PCSK2: variants seen among roughly 807,000 people sequenced by gnomAD.
PCSK2 encodes neuroendocrine convertase 2.
A neutral mutation model predicts 69.7 loss-of-function variants in PCSK2; 14 were observed. The observed-to-expected ratio is 0.20, with a 90% CI of 0.13 to 0.31. The LOEUF is 0.31. Among genes scored for constraint, PCSK2 ranks in the 10% least tolerant of loss-of-function variants. PCSK2 has a pLI of 1.00. For synonymous variants in PCSK2, 307 were observed against 320.7 expected (o/e 0.96, Z 0.46); for missense variants, 544 against 842.5 (o/e 0.65, Z 4.39).
intron 2 of PCSK2, among the ~76,000 whole-genome samples, chr20:17,353,325 C>T (rs1734972180): frequency 6.6e-6 from 1 of 151,864 alleles, no homozygotes; most frequent in African/African-American, 2.4e-5. Context: ...ATTAGCTGGG[C>T]GTGGTGGCAC....
intron 5 of PCSK2, among the ~76,000 whole-genome samples, chr20:17,402,817 C>T (rs2031670719): frequency 6.6e-6 from 1 of 151,838 alleles, no homozygotes; most frequent in African/African-American, 2.4e-5. Context: ...ATTAGCCAGG[C>T]GTGGTGGTGG....
At chr20:17,260,127 T>C (rs1987320727) in intron 1 of PCSK2, 113 bp from the exon 2 acceptor site, 3 of 701,814 alleles carry the variant, frequency 4.3e-6, no homozygotes, top group African/African-American at 3.5e-5. Flanking sequence ...AGTGGTTTCC[T>C]TGCATACTTC....
chr20:17,239,246 A>G (rs919237852), intron 1 of PCSK2, among the ~76,000 whole-genome samples: 10 of 152,192 alleles, frequency 6.6e-5, no homozygotes, highest in East Asian at 1.9e-4. Context: ...GGCACCACCA[A>G]TTCTCTTCAG....
At chr20:17,427,989 C>T (rs531394454) in intron 6 of PCSK2, among the ~76,000 whole-genome samples, 113 of 152,146 alleles carry the variant, frequency 7.4e-4, no homozygotes, top group Non-Finnish European at 1.3e-3. Flanking sequence ...GATTCAAAAG[C>T]CCAGGGTTGT....
chr20:17,438,133 T>G (rs2032523790), intron 8 of PCSK2, among the ~76,000 whole-genome samples: 1 of 152,212 alleles, frequency 6.6e-6, no homozygotes, highest in South Asian at 2.1e-4. Flanking sequence ...TGTGTGGCTT[T>G]TGGAACTCCA....
At chr20:17,383,503 T>C (rs1243220871) in intron 5 of PCSK2, among the ~76,000 whole-genome samples, 2 of 152,238 alleles carry the variant, frequency 1.3e-5, no homozygotes, top group African/African-American at 4.8e-5. Flanking sequence ...GCAGGAATGA[T>C]TCCCTTGATG....
chr20:17,421,807 T>TAAAGAAAAA (rs2032133033), intron 6 of PCSK2, among the ~76,000 whole-genome samples: 1 of 78,972 alleles, frequency 1.3e-5, no homozygotes, highest in African/African-American at 5.0e-5. Context: ...GGAAGAGAGG[T>TAAAGAAAAA]AAAAAAAAAA....
At chr20:17,304,699 T>C (rs1989271797) in intron 2 of PCSK2, among the ~76,000 whole-genome samples, 1 of 152,350 alleles carries the variant, frequency 6.6e-6, no homozygotes, top group South Asian at 2.1e-4. Flanking sequence ...TGAGTTTTAA[T>C]TGCAGCTCAA....
At position 17,465,355 on chromosome 20, in the gene PCSK2, A is replaced by G; in HGVS notation, c.1232A>G (p.His411Arg). 1 of 1,614,198 alleles carries G rather than the reference A, an allele frequency of 6.2e-7. No individual in the cohort carries two copies. The highest frequency in any genetic ancestry group is 8.5e-7 in the Non-Finnish European group (1 of 1,180,032). Reference protein sequence around the residue: ...NLGLTWRDMQHLTVLTSKRNQ... With the variant: ...NLGLTWRDMQRLTVLTSKRNQ... Reference sequence around the variant, plus strand: ...GGTCTGACCTGGCGGGACATGCAGCATCTGACTGTGCTCACCTCCAAACGG... The same window carrying G: ...GGTCTGACCTGGCGGGACATGCAGCGTCTGACTGTGCTCACCTCCAAACGG... Residue 411 changes from histidine (H) to arginine (R), a missense_variant, in exon 11 of 12, where the codon CAT becomes CGT. This residue lies in a region of PCSK2 where 187 missense variants were observed against 399.8 expected (regional missense o/e 0.47). Transcript: ENST00000262545.
chr20:17,390,812 C>T (rs779529153), intron 5 of PCSK2, among the ~76,000 whole-genome samples: 2 of 152,170 alleles, frequency 1.3e-5, no homozygotes, highest in Non-Finnish European at 2.9e-5. Flanking sequence ...TCTCCTTTTC[C>T]TCCTCTATAC....
chr20:17,320,230 T>G (rs1203551089), intron 2 of PCSK2, among the ~76,000 whole-genome samples: 2 of 152,190 alleles, frequency 1.3e-5, no homozygotes, highest in African/African-American at 4.8e-5. Context: ...CAGGAGACAC[T>G]TAGCTCTCAT....
Position 17,347,977 on chromosome 20 carries a change from AGAAAGAG to A in PCSK2, c.283-10347_283-10341del, listed in dbSNP as rs1368033098. Among the ~76,000 whole-genome samples the A allele has an allele frequency of 4.1e-4, 56 of 136,992 alleles. 1 individual carries two copies. The highest frequency in any genetic ancestry group is 2.9e-3 in the Admixed American group (40 of 13,626). The allele number at this position is 136,992 out of a possible 152,430, so 89.9% of individuals were successfully genotyped here. On this transcript the variant is annotated intron_variant, in intron 2 of 11. Coordinates refer to ENST00000262545, the MANE Select transcript of PCSK2 (RefSeq NM_002594.5). ...GAAAGAAAGAGAAAGAAAGAAAGAAAGAAAGAGGAGAGAGAAAAAAGAGAAAGAAAGA... is the reference window on the plus strand; with the variant it reads ...GAAAGAAAGAGAAAGAAAGAAAGAAAGAGAGAGAAAAAAGAGAAAGAAAGA...
chr20:17,364,785 T>G (rs1432028104), intron 4 of PCSK2, among the ~76,000 whole-genome samples: 3 of 152,174 alleles, frequency 2.0e-5, no homozygotes, highest in African/African-American at 7.2e-5. Context: ...CACTGCTCAC[T>G]CAGTGTTGCT....
chr20:17,473,087 CT>C (rs10648323), intron 11 of PCSK2, among the ~76,000 whole-genome samples: 5,889 of 76,262 alleles, frequency 0.077, 33 homozygotes, highest in East Asian at 0.11. Flanking sequence ...AAGAAGAACT[CT>C]TTTTTTTTTT....
intron 1 of PCSK2, among the ~76,000 whole-genome samples, chr20:17,248,230 CA>C (rs1269487306): frequency 2.7e-5 from 4 of 147,452 alleles, no homozygotes; most frequent in Non-Finnish European, 5.9e-5. Context: ...ATGAAGAAAA[CA>C]TTTCAAAACA....
In PCSK2 at chr20:17,481,889, C is replaced by A; in HGVS notation, c.1736C>A (p.Pro579Gln). ...GAGCTGGGATTTGTCGGCAGCGCCC[C>A]GCAGAAGGGGGTGCTGAAGGAGTGG... is the stretch of plus-strand genomic sequence containing the variant. ...TLELGFVGSAPQKGVLKEWTL... is the reference protein window; with the variant it reads ...TLELGFVGSAQQKGVLKEWTL... Residue 579 changes from proline (P) to glutamine (Q), a missense_variant, in exon 12 of 12, where the codon CCG (proline) becomes CAG (glutamine). Coordinates refer to ENST00000262545, the MANE Select transcript of PCSK2 (RefSeq NM_002594.5). The A allele has an allele frequency of 6.2e-7, 1 of 1,613,964 alleles. No homozygotes were observed. Among genetic ancestry groups the A allele is most frequent in the Non-Finnish European group, 8.5e-7 (1 of 1,179,990 alleles).
intron 8 of PCSK2, among the ~76,000 whole-genome samples, 157 bp downstream of exon 8, chr20:17,437,040 C>T (rs1051663402): frequency 6.6e-6 from 1 of 152,126 alleles, no homozygotes; most frequent in Admixed American, 6.5e-5. Flanking sequence ...AGGAGGCTGA[C>T]TGCAGGGAGG....
intron 2 of PCSK2, among the ~76,000 whole-genome samples, chr20:17,303,472 T>A (rs1258393086): frequency 2.0e-5 from 1 of 48,794 alleles, no homozygotes; most frequent in African/African-American, 7.4e-5. Flanking sequence ...TAATATATAT[T>A]ATATATAATA....
chr20:17,451,915 CTTTTTTTTTT>C (rs34323701), intron 8 of PCSK2, among the ~76,000 whole-genome samples: 4 of 101,610 alleles, frequency 3.9e-5, no homozygotes, highest in Admixed American at 2.2e-4. Context: ...TTGTACTTTG[CTTTTTTTTTT>C]TTTTTTTTTT....
Sources: gnomAD v4.1 joint callset for allele counts (sites outside exome capture counted in the v4.1 genomes callset) on GRCh38, gnomAD v4.1.1 for gene constraint, gnomAD v4.1.1 regional missense constraint, MANE v1.5 for transcripts, NCBI Gene and HGNC (gene_info 2026-07-23, HGNC 2026-07-21) for gene names.